TAFA2: variants seen among roughly 807,000 people sequenced by gnomAD.
The protein encoded by TAFA2 is chemokine-like protein TAFA-2.
In TAFA2, 7 loss-of-function variants were observed where a neutral mutation model predicts 18.8. That is an observed-to-expected ratio of 0.37 (90% CI 0.21 to 0.70). The LOEUF (loss-of-function observed/expected upper bound fraction) is 0.70, where lower values mean the gene tolerates loss of function less well. Ranked by LOEUF, TAFA2 falls within the 30% of genes least tolerant of loss-of-function variation. The pLI is 0.53. For synonymous variants in TAFA2, 60 were observed against 54.2 expected, an observed-to-expected ratio of 1.11 and a Z score of -0.47; for missense variants, 122 against 158.1, an observed-to-expected ratio of 0.77 and a Z score of 1.23.
chr12:61,740,428 C>A (rs894086304), intron 4 of TAFA2, among the ~76,000 whole-genome samples: 1 of 151,528 alleles, frequency 6.6e-6, no homozygotes, highest in Non-Finnish European at 1.5e-5. Flanking sequence ...CACGTGTATA[C>A]CTATGTACAA....
intron 1 of TAFA2, among the ~76,000 whole-genome samples, chr12:62,243,796 T>C (rs2062873142): frequency 6.6e-6 from 1 of 152,200 alleles, no homozygotes. Context: ...AACATTCTTT[T>C]TTGAGACAGG....
At chr12:61,749,579 A>T (rs1257072809) in intron 4 of TAFA2, among the ~76,000 whole-genome samples, 1 of 152,158 alleles carries the variant, frequency 6.6e-6, no homozygotes, top group Non-Finnish European at 1.5e-5. Flanking sequence ...ATACAATAAA[A>T]TAATATCATA....
intron 4 of TAFA2, among the ~76,000 whole-genome samples, chr12:61,735,643 C>T (rs1868291959): frequency 1.3e-5 from 2 of 151,862 alleles, no homozygotes; most frequent in African/African-American, 2.4e-5. Context: ...ATTTTCCCTC[C>T]TCTTTTGCCT....
At chr12:62,047,718 C>A (rs1307075633) in intron 1 of TAFA2, among the ~76,000 whole-genome samples, 1 of 152,110 alleles carries the variant, frequency 6.6e-6, no homozygotes, top group African/African-American at 2.4e-5. Context: ...AAAGAATTGT[C>A]ATTTTACTAC....
chr12:61,756,547 T>C (rs1034631577), intron 2 of TAFA2, among the ~76,000 whole-genome samples: 6 of 152,094 alleles, frequency 3.9e-5, no homozygotes, highest in African/African-American at 1.4e-4. Context: ...TCAGCCATGG[T>C]CTTGAGTACT....
intron 1 of TAFA2, among the ~76,000 whole-genome samples, chr12:61,940,974 A>T (rs545324123): frequency 1.8e-4 from 28 of 152,304 alleles, no homozygotes; most frequent in Middle Eastern, 3.4e-3. Context: ...GAAATATAGC[A>T]TGTGTGAATG....
chr12:62,039,102 A>T (rs1881689432), intron 1 of TAFA2, among the ~76,000 whole-genome samples: 1 of 152,218 alleles, frequency 6.6e-6, no homozygotes, highest in South Asian at 2.1e-4. Context: ...ACTGGATTTG[A>T]GACGTCAGTG....
At chr12:62,092,919 A>G (rs1248783623) in intron 1 of TAFA2, among the ~76,000 whole-genome samples, 1 of 152,036 alleles carries the variant, frequency 6.6e-6, no homozygotes, top group African/African-American at 2.4e-5. Flanking sequence ...AAACCATTAC[A>G]ATTAAGTGAA....
intron 3 of TAFA2, 146 bp from the exon 4 acceptor site, chr12:61,753,892 G>T: frequency 1.8e-6 from 1 of 570,064 alleles, no homozygotes; most frequent in Non-Finnish European, 2.9e-6. Context: ...TTGTTCAAAA[G>T]GACAAAACCT....
intron 1 of TAFA2, among the ~76,000 whole-genome samples, chr12:61,999,464 A>C (rs1880307752): frequency 6.6e-6 from 1 of 152,190 alleles, no homozygotes; most frequent in African/African-American, 2.4e-5. Flanking sequence ...GTATGGAGAA[A>C]ATATGTGGAT....
intron 1 of TAFA2, among the ~76,000 whole-genome samples, chr12:62,035,521 G>A (rs888757702): frequency 6.7e-6 from 1 of 149,670 alleles, no homozygotes; most frequent in Non-Finnish European, 1.5e-5. Context: ...TATAGGGAGA[G>A]CCACAAATAC....
At chr12:61,897,561 A>T (rs1031822672) in intron 1 of TAFA2, among the ~76,000 whole-genome samples, 12 of 142,118 alleles carry the variant, frequency 8.4e-5, no homozygotes, top group African/African-American at 3.3e-4. Context: ...AATGAGTGTG[A>T]AGGAGGAACT....
At chr12:61,939,135 T>G (rs542748733) in intron 1 of TAFA2, among the ~76,000 whole-genome samples, 2 of 152,300 alleles carry the variant, frequency 1.3e-5, no homozygotes, top group Middle Eastern at 3.4e-3. Context: ...GAAGTTAAAC[T>G]GCCAAAGAAT....
At chr12:62,050,015 A>C (rs1218077969) in intron 1 of TAFA2, among the ~76,000 whole-genome samples, 1 of 152,240 alleles carries the variant, frequency 6.6e-6, no homozygotes, top group Non-Finnish European at 1.5e-5. Flanking sequence ...CACAAGCGTA[A>C]ATCCAGACTA....
At chr12:61,733,469 C>A (rs1295995314) in intron 4 of TAFA2, among the ~76,000 whole-genome samples, 1 of 151,744 alleles carries the variant, frequency 6.6e-6, no homozygotes, top group Non-Finnish European at 1.5e-5. Context: ...AGGAAGGGAT[C>A]CAGTTTCAGC....
rs141840832 is a variant in TAFA2 at position 62,080,164 on chromosome 12, G to A, written c.-2+111095C>T. ...CTCTGAGGGGCCAGCTACAATTCTT[G>A]CCATAGGGCCCCCTTCATCCTCAAA... is the stretch of plus-strand genomic sequence containing the variant. On this transcript the variant is annotated intron_variant, in intron 1 of 4. Coordinates refer to ENST00000416284, the MANE Select transcript of TAFA2 (RefSeq NM_178539.5). Among the ~76,000 whole-genome samples, 544 of 152,270 alleles carry A rather than the reference G, an allele frequency of 3.6e-3. 1 individual carries two copies. The highest frequency in any genetic ancestry group is 0.013 in the African/African-American group (526 of 41,550).
At position 62,100,086 on chromosome 12, in the gene TAFA2, C is replaced by A. The variant is rs75980187; in HGVS notation, c.-2+91173G>T. 1.1e-4 allele frequency among the ~76,000 whole-genome samples: 16 copies of A among 151,518 alleles called. 1 individual carries two copies. Among genetic ancestry groups the A allele is most frequent in the Admixed American group, 9.2e-4 (14 of 15,178 alleles). ...GGTCAAGTTTTTGATTATTCCACTT[C>A]CTGTCATTATGTCTGCCACAAACAC... On this transcript the variant is annotated intron_variant, in intron 1 of 4. Transcript: ENST00000416284.
rs561029326 is a variant in TAFA2 at position 62,024,251 on chromosome 12, C to A, written c.-1-156825G>T. On this transcript the variant is annotated intron_variant, in intron 1 of 4. Coordinates refer to ENST00000416284, the MANE Select transcript of TAFA2 (RefSeq NM_178539.5). ...ATATGCTATTGGAAATAGAGTGCCC[C>A]AAAATCCACCGTATAAGTAACCTGA... Among the ~76,000 whole-genome samples, 3 of 152,188 alleles carry A rather than the reference C, an allele frequency of 2.0e-5. No individual in the cohort carries two copies. The South Asian group carries it at 6.2e-4, about 32-fold the overall frequency.
At position 61,752,091 on chromosome 12, in the gene TAFA2, A is replaced by C. The variant is rs575112321; in HGVS notation, c.384+1531T>G. On this transcript the variant is annotated intron_variant, in intron 4 of 4. Coordinates refer to ENST00000416284, the MANE Select transcript of TAFA2 (RefSeq NM_178539.5). ...TTGAAACCTGGCTTCCTAATTAATT[A>C]GCTATATGTCCTTGGGAAGTTACAT... Among the ~76,000 whole-genome samples the C allele has an allele frequency of 4.6e-5, 7 of 152,194 alleles. No individual in the cohort carries two copies. In the South Asian group the frequency reaches 1.2e-3, roughly 27 times the overall value.
Sources: allele counts gnomAD v4.1 joint callset (sites outside exome capture counted in the v4.1 genomes callset), GRCh38; gene constraint gnomAD v4.1.1; transcripts MANE v1.5; gene names NCBI Gene and HGNC (gene_info 2026-07-23, HGNC 2026-07-21).